Variants in PLBD1 observed in about 807,000 individuals in gnomAD.
The protein encoded by PLBD1 is phospholipase B domain containing 1, also known as lysosomal leucine aminopeptidase.
In PLBD1, 60 loss-of-function variants were observed where a neutral mutation model predicts 63.0. That is an observed-to-expected ratio of 0.95 (90% confidence interval 0.77 to 1.18). PLBD1 has a LOEUF of 1.18. Ranked by LOEUF, PLBD1 falls within the 50% of genes most tolerant of loss-of-function variation. The probability of loss-of-function intolerance (pLI) is 0.00; values close to 1 mark genes in which losing one functional copy is unlikely to be tolerated. For missense variants in PLBD1, 598 were observed against 677.9 expected, an observed-to-expected ratio of 0.88 and a Z score of 1.31; for synonymous variants, 262 against 248.0, an observed-to-expected ratio of 1.06 and a Z score of -0.53.
chr12:14,534,077 G>A (rs1333194615), intron 6 of PLBD1, among the ~76,000 whole-genome samples: 1 of 152,192 alleles, frequency 6.6e-6, no homozygotes, highest in African/African-American at 2.4e-5. Context: ...GAGCCCTGAA[G>A]GTCAAAGCTG....
intron 3 of PLBD1, among the ~76,000 whole-genome samples, chr12:14,541,869 G>A (rs1289993483): frequency 1.3e-5 from 2 of 152,192 alleles, no homozygotes; most frequent in South Asian, 4.1e-4. Context: ...CTTAAAGAGC[G>A]AGGAGAGGGG....
intron 6 of PLBD1, among the ~76,000 whole-genome samples, chr12:14,530,767 G>T (rs186454377): frequency 6.6e-6 from 1 of 152,316 alleles, no homozygotes; most frequent in Non-Finnish European, 1.5e-5. Flanking sequence ...ATTTTCTAGT[G>T]ATTTATCTCT....
rs1289803916 is a variant in PLBD1 at position 14,535,651 on chromosome 12, T to C, written c.844+8A>G. ...AAAGTGCTCAGATGTTCCTTTAAAT[T>C]CATTTACCTGGGTAACTGCTGAAAG... On this transcript the variant is annotated splice_region_variant and intron_variant, in intron 6 of 10. Coordinates refer to ENST00000240617, the MANE Select transcript of PLBD1 (RefSeq NM_024829.6). 1 of 1,613,766 alleles carries C rather than the reference T, an allele frequency of 6.2e-7. No individual in the cohort carries two copies. Among genetic ancestry groups the C allele is most frequent in the Non-Finnish European group, 8.5e-7 (1 of 1,179,790 alleles).
At chr12:14,515,707 T>G (rs891969913) in intron 6 of PLBD1, among the ~76,000 whole-genome samples, 1 of 152,196 alleles carries the variant, frequency 6.6e-6, no homozygotes, top group Non-Finnish European at 1.5e-5. Context: ...TAAATTTTCC[T>G]GGAGCCTATT....
chr12:14,565,387 A>G (rs1253517993), intron 1 of PLBD1, among the ~76,000 whole-genome samples: 1 of 151,908 alleles, frequency 6.6e-6, no homozygotes, highest in Non-Finnish European at 1.5e-5. Context: ...AATTGCTTGA[A>G]CCAAAGAGGT....
rs535909652 is a variant in PLBD1 at position 14,509,684 on chromosome 12, G to A, written c.1186+1576C>T. Among the ~76,000 whole-genome samples the A allele has an allele frequency of 3.3e-5, 5 of 152,274 alleles. No individual in the cohort carries two copies. The South Asian group carries it at 8.3e-4, about 25-fold the overall frequency. Reference sequence around the variant, plus strand: ...CCTGGAAAACTGAGGACCAGGTCCTGATCCCTAGGGTCCACACTTTATCTC... The same window carrying A: ...CCTGGAAAACTGAGGACCAGGTCCTAATCCCTAGGGTCCACACTTTATCTC... On this transcript the variant is annotated intron_variant, in intron 8 of 10. Coordinates refer to ENST00000240617, the MANE Select transcript of PLBD1 (RefSeq NM_024829.6).
At chr12:14,540,946 C>T (rs1197879368) in intron 3 of PLBD1, 44 bp from the exon 4 acceptor site, 1 of 1,523,810 alleles carries the variant, frequency 6.6e-7, no homozygotes. Flanking sequence ...AATAGTTGCT[C>T]ATTCAAAGCT....
chr12:14,531,501 T>TA (rs1216602438), intron 6 of PLBD1, among the ~76,000 whole-genome samples: 2 of 152,292 alleles, frequency 1.3e-5, no homozygotes, highest in African/African-American at 2.4e-5. Flanking sequence ...CCCAGAGTGT[T>TA]AAAAAAATTG....
intron 6 of PLBD1, among the ~76,000 whole-genome samples, chr12:14,517,843 T>C (rs1945347498): frequency 6.6e-6 from 1 of 152,220 alleles, no homozygotes; most frequent in Non-Finnish European, 1.5e-5. Flanking sequence ...ATTTTAAAAA[T>C]ACCCTTCTTG....
chr12:14,526,346 T>C (rs1253145534), intron 6 of PLBD1, among the ~76,000 whole-genome samples: 2 of 152,198 alleles, frequency 1.3e-5, no homozygotes, highest in Non-Finnish European at 2.9e-5. Flanking sequence ...TGATTCATAC[T>C]TAAACCCGAA....
At chr12:14,531,956 G>A (rs1592000630) in intron 6 of PLBD1, among the ~76,000 whole-genome samples, 1 of 152,332 alleles carries the variant, frequency 6.6e-6, no homozygotes, top group South Asian at 2.1e-4. Flanking sequence ...GTATTTGAAA[G>A]TAGGTACATA....
At position 14,553,309 on chromosome 12, in the gene PLBD1, A is replaced by G. The variant is rs1945674610; in HGVS notation, c.219T>C (p.Ser73=). The G allele has an allele frequency of 1.9e-6, 3 of 1,614,166 alleles. No individual in the cohort carries two copies. In the South Asian group the frequency reaches 3.3e-5, roughly 18 times the overall value. The change falls in exon 2 of 11, where the codon TCT becomes TCC. Residue 73 remains serine, a synonymous_variant. Coordinates refer to ENST00000240617, the MANE Select transcript of PLBD1 (RefSeq NM_024829.6). ...GGATGCCCCAGCCTGTGGTTTTCACAGAGTTATTGTAAAAGCCATAGGCGT... is the reference window on the plus strand; with the variant it reads ...GGATGCCCCAGCCTGTGGTTTTCACGGAGTTATTGTAAAAGCCATAGGCGT... ...NGDAYGFYNN[S]VKTTGWGILE... is the part of the protein sequence containing the mutation.
intron 1 of PLBD1, among the ~76,000 whole-genome samples, chr12:14,561,641 G>A (rs1000031683): frequency 9.2e-5 from 14 of 152,238 alleles, no homozygotes; most frequent in Middle Eastern, 3.4e-3. Flanking sequence ...CGCAACCTCC[G>A]CATCCCGGGT....
At chr12:14,556,674 T>C (rs1463767889) in intron 1 of PLBD1, among the ~76,000 whole-genome samples, 1 of 151,230 alleles carries the variant, frequency 6.6e-6, no homozygotes, top group Non-Finnish European at 1.5e-5. Context: ...TGGCCAACAT[T>C]TTACTTTTTG....
intron 1 of PLBD1, among the ~76,000 whole-genome samples, chr12:14,554,981 C>T (rs984842414): frequency 2.0e-5 from 3 of 152,058 alleles, no homozygotes; most frequent in African/African-American, 7.2e-5. Context: ...AATTTGAATC[C>T]ATCCTGGCTT....
In PLBD1 at chr12:14,549,565, T is replaced by C. The variant is rs139967596; in HGVS notation, c.335+3628A>G. On this transcript the variant is annotated intron_variant, in intron 2 of 10. Transcript: ENST00000240617. ...CTGTGCTCCAAGTAGAGAAGGACTG[T>C]TGGGAGCACTTCCATCCAAGGCCTT... Among the ~76,000 whole-genome samples the C allele has an allele frequency of 4.6e-5, 7 of 152,288 alleles. No homozygotes were observed. The East Asian group carries it at 1.4e-3, about 29-fold the overall frequency.
At chr12:14,506,606 A>G (rs761655762) in intron 9 of PLBD1, among the ~76,000 whole-genome samples, 5 of 152,150 alleles carry the variant, frequency 3.3e-5, no homozygotes, top group Non-Finnish European at 7.3e-5. Flanking sequence ...TTTATGAACA[A>G]TGTTTTGTTT....
chr12:14,536,858 G>T, intron 4 of PLBD1, 148 bp from the exon 5 acceptor site: 1 of 1,006,940 alleles, frequency 9.9e-7, no homozygotes, highest in Non-Finnish European at 1.5e-6. Context: ...GGAGGCCAAC[G>T]CGGGTGGATC....
chr12:14,556,298 G>A (rs1945702927), intron 1 of PLBD1, among the ~76,000 whole-genome samples: 1 of 152,200 alleles, frequency 6.6e-6, no homozygotes, highest in Non-Finnish European at 1.5e-5. Context: ...TAGTGATTAA[G>A]AGGCTAGAAA....
Sources: gnomAD v4.1 joint callset for allele counts (sites outside exome capture counted in the v4.1 genomes callset) on GRCh38, gnomAD v4.1.1 for gene constraint, MANE v1.5 for transcripts, NCBI Gene and HGNC (gene_info 2026-07-23, HGNC 2026-07-21) for gene names.